Variants in TTC39C observed in about 807,000 individuals in gnomAD.
TTC39C encodes the protein tetratricopeptide repeat protein 39C.
Under a neutral mutation model 76.3 loss-of-function variants are expected in TTC39C, and 33 were observed. The ratio of observed to expected loss-of-function variants is 0.43; its 90% confidence interval spans 0.33 to 0.58. The LOEUF is 0.58. TTC39C is among the 20% of genes least tolerant of loss of function. TTC39C has a pLI of 0.04. For missense variants in TTC39C, 595 were observed against 701.4 expected (o/e 0.85, Z 1.71); for synonymous variants, 254 against 260.6 (o/e 0.97, Z 0.24).
intron 1 of TTC39C, among the ~76,000 whole-genome samples, chr18:24,029,903 TTGA>T (rs1202489020): frequency 3.3e-5 from 5 of 152,224 alleles, no homozygotes; most frequent in Admixed American, 1.3e-4. Flanking sequence ...CATTCATTGA[TTGA>T]TGGAAATTTG....
chr18:24,007,721 C>T (rs909110948), intron 1 of TTC39C, among the ~76,000 whole-genome samples: 1 of 152,194 alleles, frequency 6.6e-6, no homozygotes, highest in East Asian at 1.9e-4. Flanking sequence ...AAAATCTGTA[C>T]TTCTTCCTCA....
chr18:24,118,275 A>G, intron 8 of TTC39C, 43 bp downstream of exon 8: 2 of 1,523,678 alleles, frequency 1.3e-6, no homozygotes, highest in Non-Finnish European at 1.8e-6. Context: ...CTCTGTCGTG[A>G]ATTAGCTCGC....
intron 6 of TTC39C, chr18:24,113,807 A>C (rs2084851269): frequency 1.5e-6 from 1 of 655,862 alleles, no homozygotes; most frequent in Non-Finnish European, 2.8e-6. Context: ...CGGGAAAACG[A>C]AATGTATTTC....
rs758527286 is a variant in TTC39C, at chr18:24,121,382, G to A, written c.1187-2452G>A. Among the ~76,000 whole-genome samples the A allele has an allele frequency of 1.1e-4, 16 of 152,122 alleles. No homozygotes were observed. The East Asian group carries it at 1.5e-3, about 15-fold the overall frequency. ...GAGGTCGGGAGTTCGAGACCAGCCCGACCAACAACCAACATGGAGAAACTC... is the reference window on the plus strand; with the variant it reads ...GAGGTCGGGAGTTCGAGACCAGCCCAACCAACAACCAACATGGAGAAACTC... On this transcript the variant is annotated intron_variant, in intron 8 of 13. Transcript: ENST00000317571.
chr18:24,125,650 A>G, intron 10 of TTC39C, 100 bp downstream of exon 10: 1 of 1,489,366 alleles, frequency 6.7e-7, no homozygotes. Flanking sequence ...TGTTTATCTC[A>G]TCGGAGTCAG....
intron 1 of TTC39C, among the ~76,000 whole-genome samples, chr18:24,008,148 C>T (rs1469483): frequency 0.062 from 9,366 of 152,170 alleles, 805 homozygotes; most frequent in African/African-American, 0.19. Context: ...CCCTCTGAGT[C>T]CAACTCATCC....
chr18:24,015,901 G>T (rs974689530), intron 1 of TTC39C, among the ~76,000 whole-genome samples: 2 of 152,186 alleles, frequency 1.3e-5, no homozygotes, highest in African/African-American at 4.8e-5. Context: ...GGTTGAGGAA[G>T]CAAGTTTGTG....
intron 1 of TTC39C, among the ~76,000 whole-genome samples, chr18:24,060,147 C>T (rs1373981123): frequency 1.3e-5 from 2 of 152,172 alleles, no homozygotes; most frequent in South Asian, 4.1e-4. Flanking sequence ...GGAATTGCCA[C>T]ACTGTCTTCC....
rs1309193379 is a variant in TTC39C at position 24,134,133 on chromosome 18, A to G, written c.*1559A>G. The G allele has an allele frequency of 1.9e-5, 3 of 154,542 alleles. No individual in the cohort carries two copies. The highest frequency in any genetic ancestry group is 2.9e-5 in the Non-Finnish European group (2 of 68,204). The allele number at this position is 154,542 out of a possible 1,614,324, so 9.6% of individuals were successfully genotyped here. On this transcript the variant is annotated 3_prime_UTR_variant, in exon 14 of 14. Transcript: ENST00000317571. ...TGTATTCACATTGACTTTCTCCCTG[A>G]TGTGAATTCCGTGTGGGTTTTAGAT... is the stretch of plus-strand genomic sequence containing the variant.
intron 4 of TTC39C, among the ~76,000 whole-genome samples, chr18:24,076,076 A>G (rs944574784): frequency 3.9e-5 from 6 of 152,282 alleles, no homozygotes; most frequent in African/African-American, 1.2e-4. Context: ...TCCTGGTTTC[A>G]TGCTATTCTC....
intron 1 of TTC39C, among the ~76,000 whole-genome samples, chr18:24,042,512 C>T (rs1257870767): frequency 1.3e-5 from 2 of 152,190 alleles, no homozygotes; most frequent in Non-Finnish European, 2.9e-5. Context: ...TGCTGCTCAC[C>T]TCCTGCTGTG....
In TTC39C at chr18:24,015,058, T is replaced by C; in HGVS notation, c.167+20T>C. On this transcript the variant is annotated intron_variant, in intron 1 of 13. Coordinates refer to ENST00000317571, the MANE Select transcript of TTC39C (RefSeq NM_001135993.2). ...ATACAGGTGACCCACGCGTCCCCGA[T>C]TCCCCAACCCTGCAGCGCGCACCTC... 1 of 1,418,000 alleles carries C rather than the reference T, an allele frequency of 7.1e-7. No homozygotes were observed. The highest frequency in any genetic ancestry group is 9.3e-7 in the Non-Finnish European group (1 of 1,077,090). 87.8% of individuals were successfully genotyped at this position (1,418,000 alleles called of 1,614,324 possible).
intron 6 of TTC39C, among the ~76,000 whole-genome samples, chr18:24,110,606 A>T (rs2084797132): frequency 6.6e-6 from 1 of 152,216 alleles, no homozygotes; most frequent in Non-Finnish European, 1.5e-5. Flanking sequence ...TAGAGAATAA[A>T]ATGGAGCAAC....
intron 1 of TTC39C, among the ~76,000 whole-genome samples, chr18:24,032,312 G>C (rs769198256): frequency 7.9e-5 from 12 of 152,222 alleles, no homozygotes; most frequent in Non-Finnish European, 1.5e-4. Context: ...TTTAGGATTA[G>C]GACCAAAATC....
chr18:24,106,730 C>T (rs2084749039), intron 6 of TTC39C, among the ~76,000 whole-genome samples: 1 of 152,160 alleles, frequency 6.6e-6, no homozygotes, highest in South Asian at 2.1e-4. Context: ...CTGGCTCTGT[C>T]ACCCAGTGCA....
At chr18:24,122,500 C>CAAAAA (rs36002596) in intron 8 of TTC39C, among the ~76,000 whole-genome samples, 822 of 50,960 alleles carry the variant, frequency 0.016, 201 homozygotes, top group African/African-American at 0.066. Context: ...GACTCCATCT[C>CAAAAA]AAAAAAAAAA....
chr18:24,000,064 T>C (rs1269230296), intron 1 of TTC39C, among the ~76,000 whole-genome samples: 1 of 152,158 alleles, frequency 6.6e-6, no homozygotes, highest in African/African-American at 2.4e-5. Context: ...GGCAGGACAC[T>C]TTCCCTACTA....
At chr18:24,094,164 A>G (rs1721483063) in intron 6 of TTC39C, among the ~76,000 whole-genome samples, 1 of 152,224 alleles carries the variant, frequency 6.6e-6, no homozygotes, top group Non-Finnish European at 1.5e-5. Flanking sequence ...AGGAGATGCC[A>G]TCTCAAGAAA....
chr18:24,092,652 A>G (rs2084538923), intron 6 of TTC39C, among the ~76,000 whole-genome samples: 1 of 152,248 alleles, frequency 6.6e-6, no homozygotes, highest in African/African-American at 2.4e-5. Flanking sequence ...ATATGATTCC[A>G]TTTATATGAC....
Sources: gnomAD v4.1 joint callset for allele counts (sites outside exome capture counted in the v4.1 genomes callset) on GRCh38, gnomAD v4.1.1 for gene constraint, MANE v1.5 for transcripts, NCBI Gene and HGNC (gene_info 2026-07-23, HGNC 2026-07-21) for gene names.